TBX18: variants seen among roughly 807,000 people sequenced by gnomAD.
The protein encoded by TBX18 is T-box transcription factor 18.
Under a neutral mutation model 55.0 loss-of-function variants are expected in TBX18, and 21 were observed. The observed-to-expected ratio is 0.38, with a 90% CI of 0.27 to 0.55. The LOEUF is 0.55. Among genes scored for constraint, TBX18 ranks in the 20% least tolerant of loss-of-function variants. TBX18 has a pLI of 0.73. For synonymous variants in TBX18, 342 were observed against 326.1 expected (o/e 1.05, Z -0.53); for missense variants, 840 against 799.6 (o/e 1.05, Z -0.61).
At chr6:84,749,605 A>T (rs900073425) in intron 4 of TBX18, among the ~76,000 whole-genome samples, 7 of 152,034 alleles carry the variant, frequency 4.6e-5, no homozygotes, top group African/African-American at 1.7e-4. Flanking sequence ...GGAAAGGACA[A>T]CAGGGGAAAA....
At chr6:84,763,095 G>A (rs1320958189) in intron 1 of TBX18, 1 of 411,998 alleles carries the variant, frequency 2.4e-6, no homozygotes. Flanking sequence ...CTTGCCCGAC[G>A]GAGTCAGAGG....
At chr6:84,758,693 T>C (rs1439482664) in intron 3 of TBX18, among the ~76,000 whole-genome samples, 2 of 152,074 alleles carry the variant, frequency 1.3e-5, no homozygotes, top group East Asian at 1.9e-4. Context: ...AATAGAGTAA[T>C]AGGCTCTAAC....
intron 3 of TBX18, among the ~76,000 whole-genome samples, chr6:84,758,876 T>C (rs965757681): frequency 6.6e-6 from 1 of 152,194 alleles, no homozygotes; most frequent in African/African-American, 2.4e-5. Flanking sequence ...AATTTGATCT[T>C]TTAAAACCTG....
In TBX18 at chr6:84,764,355, TGG is replaced by T; in HGVS notation, c.-176_-175del. ...GGCGTTTCCGCTTTCTCGCTTGTGT[TGG>T]GATCCAGGAACCGGCGACGCGCCGG... On this transcript the variant is annotated 5_prime_UTR_variant, in exon 1 of 8. Coordinates refer to ENST00000369663, the MANE Select transcript of TBX18 (RefSeq NM_001080508.3). The T allele has an allele frequency of 2.0e-6, 2 of 978,598 alleles. No homozygotes were observed. Among genetic ancestry groups the T allele is most frequent in the Non-Finnish European group, 2.8e-6 (2 of 720,684 alleles). 60.6% of individuals were successfully genotyped at this position (978,598 alleles called of 1,614,324 possible).
intron 6 of TBX18, 90 bp downstream of exon 6, chr6:84,744,171 T>C: frequency 8.5e-7 from 1 of 1,175,794 alleles, no homozygotes; most frequent in Non-Finnish European, 1.2e-6. Context: ...ATCGTATTAG[T>C]AAATTTAGCC....
chr6:84,761,087 G>A (rs1306870497), intron 2 of TBX18, among the ~76,000 whole-genome samples: 1 of 152,164 alleles, frequency 6.6e-6, no homozygotes, highest in Non-Finnish European at 1.5e-5. Flanking sequence ...TATCAAAGGA[G>A]ATGCTAGAGT....
At position 84,762,699 on chromosome 6, in the gene TBX18, C is replaced by T; in HGVS notation, c.342G>A (p.Pro114=). The change falls in exon 2 of 8, where the codon CCG becomes CCA. Residue 114 remains proline, a synonymous_variant. Transcript: ENST00000369663. ...CCGGAGACCCCTTGGGGGAGCCTCC[C>T]GGTGACGCCAGAGGGGAAGCTCCCT... is the stretch of plus-strand genomic sequence containing the variant. ...FQQGASPLAS[P]GGSPKGSPAR... The T allele has an allele frequency of 6.2e-7, 1 of 1,610,826 alleles. No individual in the cohort carries two copies. Among genetic ancestry groups the T allele is most frequent in the Non-Finnish European group, 8.5e-7 (1 of 1,179,080 alleles).
At position 84,737,277 on chromosome 6, in the gene TBX18, C is replaced by A. The variant is rs1308353721; in HGVS notation, c.1232G>T (p.Ser411Ile). 3 of 1,608,810 alleles carry A rather than the reference C, an allele frequency of 1.9e-6. No homozygotes were observed. ...HLGPNTSQLC[S>I]LAPADYSACA... ...GGCAGAATAGTCAGCAGGGGCCAGA[C>A]TACACAGCTGGCTGGTGTTGGGCCC... Residue 411 changes from serine (S) to isoleucine (I), a missense_variant, in exon 8 of 8, where the codon AGT becomes ATT. Coordinates refer to ENST00000369663, the MANE Select transcript of TBX18 (RefSeq NM_001080508.3).
Position 84,748,021 on chromosome 6 carries a change from C to A in TBX18, c.838G>T (p.Asp280Tyr). ...GGAACAGGCTTGATGGGAGAAAGAT[C>A]GTCTCCACAGTCTTTACGGATGACG... ...VHVIRKDCGD[D>Y]LSPIKPVPSG... The change falls in exon 5 of 8, where the codon GAT becomes TAT. Residue 280 changes from aspartate to tyrosine, a missense_variant. Coordinates refer to ENST00000369663, the MANE Select transcript of TBX18 (RefSeq NM_001080508.3). 1 of 1,613,368 alleles carries A rather than the reference C, an allele frequency of 6.2e-7. No homozygotes were observed. The highest frequency in any genetic ancestry group is 2.2e-5 in the East Asian group (1 of 44,862).
At chr6:84,742,999 A>G (rs1767086284) in intron 6 of TBX18, among the ~76,000 whole-genome samples, 1 of 110,742 alleles carries the variant, frequency 9.0e-6, no homozygotes, top group Non-Finnish European at 2.1e-5. Flanking sequence ...AATGTAACAA[A>G]ACAAAAGACA....
chr6:84,736,693 T>C lies in TBX18; in HGVS notation c.1816A>G (p.Met606Val), dbSNP rs780097355. 1.9e-6 allele frequency: 3 copies of C among 1,559,260 alleles called. No homozygotes were observed. The highest frequency in any genetic ancestry group is 2.6e-6 in the Non-Finnish European group (3 of 1,156,912). ...TLSSSQVSAH[M>V]V ...TTAACTTAAAGGCTTCATCAGACCA[T>C]ATGTGCAGATACTTGAGATGATGAC... is the stretch of plus-strand genomic sequence containing the variant. Residue 606 changes from methionine to valine, a missense_variant, in exon 8 of 8, where the codon ATG becomes GTG. By Grantham distance (21) the Met-to-Val change is conservative (BLOSUM62 1). Coordinates refer to ENST00000369663, the MANE Select transcript of TBX18 (RefSeq NM_001080508.3).
intron 5 of TBX18, among the ~76,000 whole-genome samples, chr6:84,745,892 T>G (rs1767169643): frequency 1.3e-5 from 2 of 152,152 alleles, no homozygotes; most frequent in African/African-American, 4.8e-5. Context: ...CTAGAGCAAC[T>G]TATGTATAGC....
chr6:84,753,209 C>T (rs1382727902), intron 4 of TBX18, among the ~76,000 whole-genome samples: 2 of 152,132 alleles, frequency 1.3e-5, no homozygotes, highest in Admixed American at 1.3e-4. Flanking sequence ...TATTCCTCTC[C>T]AAATAATTCA....
chr6:84,736,785 A>G lies in TBX18; in HGVS notation c.1724T>C (p.Val575Ala). 6.2e-7 allele frequency: 1 copy of G among 1,613,860 alleles called. No individual in the cohort carries two copies. The highest frequency in any genetic ancestry group is 1.3e-5 in the African/African-American group (1 of 74,956). ...CTGACCCCCACTGCTAAGCAGGTGC[A>G]CTCCTTCCACAGGGGGCAACATCTG... ...DRQMLPPVEGVHLLSSGGQQS... is the reference protein window; with the variant it reads ...DRQMLPPVEGAHLLSSGGQQS... The change falls in exon 8 of 8, where the codon GTG becomes GCG. Residue 575 changes from valine (V) to alanine (A), a missense_variant. Physicochemically the swap from Val to Ala is moderately conservative, Grantham distance 64. Coordinates refer to ENST00000369663, the MANE Select transcript of TBX18 (RefSeq NM_001080508.3).
At chr6:84,755,149 C>A (rs1408797115) in intron 4 of TBX18, among the ~76,000 whole-genome samples, 1 of 151,904 alleles carries the variant, frequency 6.6e-6, no homozygotes, top group Non-Finnish European at 1.5e-5. Flanking sequence ...ATTACTAGAT[C>A]TATATCTAAT....
chr6:84,746,321 T>C (rs1767184705), intron 5 of TBX18, among the ~76,000 whole-genome samples: 1 of 150,668 alleles, frequency 6.6e-6, no homozygotes, highest in Admixed American at 6.7e-5. Flanking sequence ...TTCTCATGTA[T>C]TACTTTTTCT....
In TBX18 at chr6:84,737,306, A is replaced by G. The variant is rs1045294395; in HGVS notation, c.1203T>C (p.His401=). 3.1e-6 allele frequency: 5 copies of G among 1,605,334 alleles called. No homozygotes were observed. The highest frequency in any genetic ancestry group is 3.4e-6 in the Non-Finnish European group (4 of 1,175,694). The change falls in exon 8 of 8, where the codon CAT becomes CAC. Residue 401 remains histidine (H), a synonymous_variant. Coordinates refer to ENST00000369663, the MANE Select transcript of TBX18 (RefSeq NM_001080508.3). ...ACAGCTGGCTGGTGTTGGGCCCCAG[A>G]TGGAAGGCAGGAGAGGAGCAAGAGG... ...SGSSCSSPAF[H]LGPNTSQLCS...
intron 2 of TBX18, 101 bp from the exon 3 acceptor site, chr6:84,760,457 T>C (rs1767619467): frequency 1.5e-6 from 1 of 678,530 alleles, no homozygotes; most frequent in Non-Finnish European, 2.4e-6. Flanking sequence ...CTATTTTTAA[T>C]ATGGATAAAT....
chr6:84,736,531 C>G lies in TBX18; in HGVS notation c.*154G>C. The G allele has an allele frequency of 2.5e-6, 2 of 788,928 alleles. No homozygotes were observed. The highest frequency in any genetic ancestry group is 3.7e-6 in the Non-Finnish European group (2 of 533,532). 48.9% of individuals were successfully genotyped at this position (788,928 alleles called of 1,614,324 possible). A position where few individuals can be genotyped will look rare whatever the true frequency, so the allele number is the denominator to read the frequency against. On this transcript the variant is annotated 3_prime_UTR_variant, in exon 8 of 8. Transcript: ENST00000369663. ...CATATATACCATAGATAATTACAAT[C>G]TCACCATGATAAAGTCAAAAAACCC...
Sources: gnomAD v4.1 joint callset for allele counts (sites outside exome capture counted in the v4.1 genomes callset) on GRCh38, gnomAD v4.1.1 for gene constraint, MANE v1.5 for transcripts, NCBI Gene and HGNC (gene_info 2026-07-23, HGNC 2026-07-21) for gene names.